The following PCDHA4 variants were observed in gnomAD, a reference collection of about 807,000 sequenced individuals.
PCDHA4 encodes the protein protocadherin alpha-4.
A neutral mutation model predicts 61.4 loss-of-function variants in PCDHA4; 49 were observed. That is an observed-to-expected ratio of 0.80 (90% CI 0.63 to 1.01). The LOEUF (loss-of-function observed/expected upper bound fraction) is 1.01. PCDHA4 is among the 50% of genes least tolerant of loss of function. The pLI is 0.00. For synonymous variants in PCDHA4, 590 were observed against 550.3 expected (o/e 1.07, Z -1.01); for missense variants, 1,254 against 1,235.8 (o/e 1.01, Z -0.22).
At position 140,851,650 on chromosome 5, in the gene PCDHA4, G is replaced by C. The variant is rs1324719591; in HGVS notation, c.2385+42078G>C. The C allele has an allele frequency of 4.4e-6, 4 of 912,450 alleles. No homozygotes were observed. The African/African-American group carries it at 7.2e-5, about 16-fold the overall frequency. 56.5% of individuals were successfully genotyped at this position (912,450 alleles called of 1,614,324 possible). ...AACAAGTGTTTCCTTTCTTCAAGAA[G>C]ACATTCTCCTTTTAATTGAAATTTT... On this transcript the variant is annotated intron_variant, in intron 1 of 3. Transcript: ENST00000530339.
intron 1 of PCDHA4, among the ~76,000 whole-genome samples, chr5:140,840,357 T>G (rs1554137775): frequency 6.6e-6 from 1 of 151,884 alleles, no homozygotes; most frequent in Non-Finnish European, 1.5e-5. Flanking sequence ...CAGGTAAAAA[T>G]GTCAGGTAGA....
At chr5:140,857,727 A>C in intron 1 of PCDHA4, 1 of 1,597,294 alleles carries the variant, frequency 6.3e-7, no homozygotes, top group South Asian at 1.1e-5. Flanking sequence ...GAGAACGACA[A>C]CGCTCCCGCG....
intron 1 of PCDHA4, chr5:140,842,359 C>G: frequency 6.2e-7 from 1 of 1,606,650 alleles, no homozygotes; most frequent in Non-Finnish European, 8.5e-7. Context: ...AAAATGATAA[C>G]GTCCCTGAGA....
intron 1 of PCDHA4, among the ~76,000 whole-genome samples, chr5:140,844,878 G>A (rs2150374648): frequency 6.7e-6 from 1 of 149,434 alleles, no homozygotes; most frequent in East Asian, 1.9e-4. Flanking sequence ...ATACCCATTA[G>A]ACTTCGTGCA....
chr5:140,833,449 T>C (rs2150208645), intron 1 of PCDHA4, among the ~76,000 whole-genome samples: 13 of 152,180 alleles, frequency 8.5e-5, no homozygotes, highest in African/African-American at 3.1e-4. Context: ...ATTTATCTAA[T>C]AAAATAAACT....
At chr5:140,857,293 G>A (rs1554149807) in intron 1 of PCDHA4, 1 of 1,598,774 alleles carries the variant, frequency 6.3e-7, no homozygotes, top group Admixed American at 1.7e-5. Flanking sequence ...TGGACCGCGA[G>A]AGGGTGTCGG....
intron 1 of PCDHA4, chr5:140,824,308 G>A (rs1768081787): frequency 2.5e-6 from 2 of 784,768 alleles, no homozygotes; most frequent in South Asian, 3.5e-5. Flanking sequence ...TGGGGTAATA[G>A]ATTCATCAGC....
intron 1 of PCDHA4, chr5:140,828,097 G>A: frequency 6.2e-7 from 1 of 1,606,162 alleles, no homozygotes; most frequent in Non-Finnish European, 8.5e-7. Flanking sequence ...TTGACATGGT[G>A]TTTACCCCGG....
chr5:140,843,347 C>T, intron 1 of PCDHA4: 1 of 1,596,018 alleles, frequency 6.3e-7, no homozygotes. Flanking sequence ...CGGCCAGGCT[C>T]CAAAAGCGTC....
rs192014288 is a variant in PCDHA4, at chr5:140,938,120, T to A, written c.2386-40829T>A. Among the ~76,000 whole-genome samples the A allele has an allele frequency of 2.0e-3, 311 of 152,258 alleles. 6 individuals are homozygous for A. In the East Asian group the frequency reaches 0.05, roughly 25 times the overall value. ...GTATTTTTTACTTTCTCTCTTTTTT[T>A]AAAAAAATAGAGATAGAGTCTCACT... On this transcript the variant is annotated intron_variant, in intron 1 of 3. Transcript: ENST00000530339.
Position 140,819,936 on chromosome 5 carries a change from C to T in PCDHA4, c.2385+10364C>T, listed in dbSNP as rs2150105515. ...TTGTTAATACTACATTGTTAATTTG[C>T]CTTTTAAATACTTAATATTTACTTT... On this transcript the variant is annotated intron_variant, in intron 1 of 3. Transcript: ENST00000530339. 1.6e-3 allele frequency among the ~76,000 whole-genome samples: 248 copies of T among 151,776 alleles called. 1 individual carries two copies. The highest frequency in any genetic ancestry group is 2.8e-3 in the Non-Finnish European group (192 of 67,758).
rs186453463 is a variant in PCDHA4 at position 140,951,770 on chromosome 5, C to T, written c.2386-27179C>T. On this transcript the variant is annotated intron_variant, in intron 1 of 3. Transcript: ENST00000530339. ...ACCCTCCGCGAAATCTCATGACGTT[C>T]TTACATTGCAAAATACAATTATCCC... 1.6e-3 allele frequency among the ~76,000 whole-genome samples: 247 copies of T among 152,268 alleles called. 1 individual carries two copies. The highest frequency in any genetic ancestry group is 5.5e-3 in the African/African-American group (229 of 41,576).
At chr5:140,900,667 G>A (rs557447526) in intron 1 of PCDHA4, among the ~76,000 whole-genome samples, 12 of 152,222 alleles carry the variant, frequency 7.9e-5, no homozygotes, top group Non-Finnish European at 1.6e-4. Flanking sequence ...CAATGGGAGT[G>A]CAGTTATCTC....
chr5:140,829,145 C>T (rs2150162987), intron 1 of PCDHA4: 1 of 1,613,788 alleles, frequency 6.2e-7, no homozygotes, highest in South Asian at 1.1e-5. Flanking sequence ...TGAGATAGCA[C>T]TGACTTCCTT....
Position 140,859,942 on chromosome 5 carries a change from C to T in PCDHA4, c.2385+50370C>T, listed in dbSNP as rs188063424. ...AGTAATATAAAAAACTTAGTAAAAACTCATATCAATTGTAAAAGTCTCAGG... is the reference window on the plus strand; with the variant it reads ...AGTAATATAAAAAACTTAGTAAAAATTCATATCAATTGTAAAAGTCTCAGG... On this transcript the variant is annotated intron_variant, in intron 1 of 3. Coordinates refer to ENST00000530339, the MANE Select transcript of PCDHA4 (RefSeq NM_018907.4). 5.9e-5 allele frequency: 9 copies of T among 151,828 alleles called. No individual in the cohort carries two copies. The East Asian group carries it at 1.5e-3, about 26-fold the overall frequency. 9.4% of individuals were successfully genotyped at this position (151,828 alleles called of 1,614,324 possible). A position where few individuals can be genotyped will look rare whatever the true frequency, so the allele number is the denominator to read the frequency against.
At chr5:140,941,319 CTTT>C (rs70988781) in intron 1 of PCDHA4, among the ~76,000 whole-genome samples, 1 of 104,392 alleles carries the variant, frequency 9.6e-6, no homozygotes. Flanking sequence ...TCTTCTTTCT[CTTT>C]TTTTTTTTTT....
In PCDHA4 at chr5:140,896,536, C is replaced by CTTT. The variant is rs34213614; in HGVS notation, c.2386-82403_2386-82401dup. 9.4e-4 allele frequency among the ~76,000 whole-genome samples: 137 copies of CTTT among 145,660 alleles called. 1 individual carries two copies. Among genetic ancestry groups the CTTT allele is most frequent in the East Asian group, 2.8e-3 (14 of 5,008 alleles). On this transcript the variant is annotated intron_variant, in intron 1 of 3. Coordinates refer to ENST00000530339, the MANE Select transcript of PCDHA4 (RefSeq NM_018907.4). ...CACACCACAAAGCCCAGCTATTTTT[C>CTTT]TTTTTTTTTTTTGTATTTTAAGTAG... is the stretch of plus-strand genomic sequence containing the variant.
chr5:140,876,924 G>A, intron 1 of PCDHA4: 4 of 1,613,824 alleles, frequency 2.5e-6, no homozygotes, highest in Non-Finnish European at 3.4e-6. Flanking sequence ...ACGCGGACGC[G>A]CAGAAGAACG....
intron 1 of PCDHA4, chr5:140,824,151 C>T (rs1554129761): frequency 6.2e-7 from 1 of 1,611,532 alleles, no homozygotes; most frequent in Admixed American, 1.7e-5. Context: ...TATTAACATC[C>T]ATCTTTCCCT....
Sources: gnomAD v4.1 joint callset for allele counts (sites outside exome capture counted in the v4.1 genomes callset) on GRCh38, gnomAD v4.1.1 for gene constraint, MANE v1.5 for transcripts, NCBI Gene and HGNC (gene_info 2026-07-23, HGNC 2026-07-21) for gene names.